PLXNC1: variants seen among roughly 807,000 people sequenced by gnomAD.
The protein encoded by PLXNC1 is plexin-C1.
Under a neutral mutation model 178.2 loss-of-function variants are expected in PLXNC1, and 75 were observed. That is an observed-to-expected ratio of 0.42 (90% CI 0.35 to 0.51). The LOEUF (loss-of-function observed/expected upper bound fraction) is 0.51. Ranked by LOEUF, PLXNC1 falls within the 20% of genes least tolerant of loss-of-function variation. The probability of loss-of-function intolerance (pLI) is 0.02; values close to 1 mark genes in which losing one functional copy is unlikely to be tolerated. For synonymous variants in PLXNC1, 790 were observed against 779.9 expected (o/e 1.01, Z -0.22); for missense variants, 1,503 against 1,984.4 (o/e 0.76, Z 4.61).
At chr12:94,252,412 C>T (rs1388191499) in intron 15 of PLXNC1, among the ~76,000 whole-genome samples, 1 of 152,104 alleles carries the variant, frequency 6.6e-6, no homozygotes, top group African/African-American at 2.4e-5. Context: ...GCCTGGACAA[C>T]AGAATGAGGC....
At chr12:94,230,294 C>T (rs1025684726) in intron 9 of PLXNC1, among the ~76,000 whole-genome samples, 43 of 152,282 alleles carry the variant, frequency 2.8e-4, no homozygotes, top group African/African-American at 1.0e-3. Flanking sequence ...TCCTTTTTAT[C>T]GCTGAGTCGT....
intron 9 of PLXNC1, among the ~76,000 whole-genome samples, chr12:94,234,771 G>C (rs556178306): frequency 2.4e-4 from 37 of 152,288 alleles, no homozygotes; most frequent in Non-Finnish European, 4.1e-4. Flanking sequence ...AGCTTATAGG[G>C]CTGGCTACTA....
At chr12:94,270,668 T>C (rs1357125167) in intron 21 of PLXNC1, among the ~76,000 whole-genome samples, 1 of 150,804 alleles carries the variant, frequency 6.6e-6, no homozygotes, top group East Asian at 2.0e-4. Flanking sequence ...CAGCTCTTCA[T>C]ACTTGATTCT....
In PLXNC1 at chr12:94,306,695, G is replaced by A. The variant is rs1350017628; in HGVS notation, c.*1410G>A. On this transcript the variant is annotated 3_prime_UTR_variant, in exon 31 of 31. Transcript: ENST00000258526. ...TTCCTTGAAATCATTTACCAACACT[G>A]TATGGAGCATTAGGATTTAAATATG... 1.3e-5 allele frequency: 2 copies of A among 152,264 alleles called. No individual in the cohort carries two copies. Among genetic ancestry groups the A allele is most frequent in the East Asian group, 3.9e-4 (2 of 5,186 alleles). The allele number at this position is 152,264 out of a possible 1,614,324, so 9.4% of individuals were successfully genotyped here.
intron 10 of PLXNC1, among the ~76,000 whole-genome samples, chr12:94,240,207 T>C (rs937555460): frequency 1.3e-5 from 2 of 152,218 alleles, no homozygotes; most frequent in South Asian, 2.1e-4. Flanking sequence ...CTGCTTTCTA[T>C]TAGTACTTCT....
intron 1 of PLXNC1, among the ~76,000 whole-genome samples, chr12:94,150,406 C>A (rs1037337889): frequency 6.6e-6 from 1 of 152,244 alleles, no homozygotes; most frequent in Admixed American, 6.5e-5. Context: ...TCTCTGTGCC[C>A]CTTCCGTGTA....
At chr12:94,234,436 A>C (rs1378080540) in intron 9 of PLXNC1, among the ~76,000 whole-genome samples, 3 of 152,230 alleles carry the variant, frequency 2.0e-5, no homozygotes, top group Non-Finnish European at 4.4e-5. Flanking sequence ...TCTCCTAATT[A>C]ACCAGCTTCT....
intron 21 of PLXNC1, among the ~76,000 whole-genome samples, chr12:94,279,193 C>T (rs1966235148): frequency 6.6e-6 from 1 of 151,964 alleles, no homozygotes; most frequent in Admixed American, 6.6e-5. Context: ...ACCAAATTAC[C>T]ATTTTTAGAC....
Position 94,177,137 on chromosome 12 carries a change from ATG to A in PLXNC1, c.1204-4297_1204-4296del, listed in dbSNP as rs1555195608. On this transcript the variant is annotated intron_variant, in intron 2 of 30. Coordinates refer to ENST00000258526, the MANE Select transcript of PLXNC1 (RefSeq NM_005761.3). ...TATATATGTGTGTGTGTGTATATAT[ATG>A]TGTGTGTGTGTATATATATATGTAT... is the stretch of plus-strand genomic sequence containing the variant. 3.7e-3 allele frequency among the ~76,000 whole-genome samples: 249 copies of A among 67,394 alleles called. 3 individuals are homozygous for A. The highest frequency in any genetic ancestry group is 0.017 in the East Asian group (34 of 1,984). The allele number at this position is 67,394 out of a possible 152,430, so 44.2% of individuals were successfully genotyped here. A position where few individuals can be genotyped will look rare whatever the true frequency, so the allele number is the denominator to read the frequency against.
chr12:94,231,442 G>A (rs11833491), intron 9 of PLXNC1, among the ~76,000 whole-genome samples: 14,337 of 152,090 alleles, frequency 0.094, 822 homozygotes, highest in African/African-American at 0.15. Flanking sequence ...GTGAGTGCTC[G>A]CTTTATTCTT....
chr12:94,148,900 C>G lies in PLXNC1; in HGVS notation c.-72C>G, dbSNP rs1316620501. 6 of 396,126 alleles carry G rather than the reference C, an allele frequency of 1.5e-5. No homozygotes were observed. The highest frequency in any genetic ancestry group is 2.1e-5 in the Non-Finnish European group (6 of 282,910). 24.5% of individuals were successfully genotyped at this position (396,126 alleles called of 1,614,324 possible). On this transcript the variant is annotated 5_prime_UTR_variant, in exon 1 of 31. Transcript: ENST00000258526. This position sits in a 1 kb window ranked among gnomAD's most constrained non-coding sequence, Gnocchi z 4.8. ...CAGGAACCGCCGCCGCCGCCGCCCG[C>G]GTCTCCGTTGCCGCGCGCCTGAGCC...
chr12:94,247,854 C>G (rs376225562), intron 12 of PLXNC1, 49 bp from the exon 13 acceptor site: 30 of 1,542,278 alleles, frequency 1.9e-5, no homozygotes, highest in East Asian at 1.3e-4. Flanking sequence ...GAGATCACAG[C>G]TGGGATTCGT....
chr12:94,278,149 A>G (rs1372013044), intron 21 of PLXNC1: 1 of 396,140 alleles, frequency 2.5e-6, no homozygotes, highest in Non-Finnish European at 5.1e-6. Context: ...TTAAAACCAA[A>G]AAAAACAAAA....
chr12:94,252,516 C>G (rs1964725022), intron 15 of PLXNC1, among the ~76,000 whole-genome samples: 1 of 152,202 alleles, frequency 6.6e-6, no homozygotes, highest in Non-Finnish European at 1.5e-5. Context: ...ACAGTGAGCC[C>G]ATGGTGGTTG....
intron 2 of PLXNC1, among the ~76,000 whole-genome samples, chr12:94,179,720 G>A (rs550021552): frequency 8.2e-5 from 11 of 134,446 alleles, no homozygotes; most frequent in South Asian, 2.4e-4. Flanking sequence ...CAGTCTGGGC[G>A]ACTGAGTAAG....
intron 17 of PLXNC1, among the ~76,000 whole-genome samples, chr12:94,256,568 A>G (rs535478334): frequency 1.3e-5 from 2 of 152,224 alleles, no homozygotes; most frequent in East Asian, 3.9e-4. Context: ...GATTCCCCGA[A>G]TCAGGATGAC....
chr12:94,262,541 T>C (rs1965021696), intron 20 of PLXNC1: 1 of 985,426 alleles, frequency 1.0e-6, no homozygotes, highest in South Asian at 4.7e-5. Context: ...TTCAAGAGCG[T>C]CTCGAGCACT....
At chr12:94,169,396 C>T (rs1961757131) in intron 2 of PLXNC1, 103 bp downstream of exon 2, 9 of 958,766 alleles carry the variant, frequency 9.4e-6, no homozygotes, top group Non-Finnish European at 1.4e-5. Context: ...GAGACCAAAC[C>T]AAGAACTTCA....
intron 14 of PLXNC1, among the ~76,000 whole-genome samples, chr12:94,250,132 G>A (rs537234938): frequency 1.1e-4 from 17 of 152,274 alleles, no homozygotes; most frequent in Admixed American, 2.0e-4. Context: ...TGCCTGGCAT[G>A]TTTGAAGAGC....
Sources: gnomAD v4.1 joint callset for allele counts (sites outside exome capture counted in the v4.1 genomes callset) on GRCh38, gnomAD v4.1.1 for gene constraint, Gnocchi (gnomAD v3.1) non-coding constraint, MANE v1.5 for transcripts, NCBI Gene and HGNC (gene_info 2026-07-23, HGNC 2026-07-21) for gene names.